Variants in ZNF334 observed in about 807,000 individuals in gnomAD.
ZNF334 encodes zinc finger protein 334.
In ZNF334, 14 loss-of-function variants were observed where a neutral mutation model predicts 12.4. That is an observed-to-expected ratio of 1.13 (90% confidence interval 0.74 to 1.76). The LOEUF (loss-of-function observed/expected upper bound fraction) is 1.76. Among genes scored for constraint, ZNF334 ranks in the 40% most tolerant of loss-of-function variants. The pLI, the probability that ZNF334 is intolerant of heterozygous loss-of-function variation, is 0.00. For missense variants in ZNF334, 797 were observed against 804.5 expected (o/e 0.99, Z 0.11); for synonymous variants, 273 against 269.6 (o/e 1.01, Z -0.12).
chr20:46,488,417 T>TATATATATATATATA, the ZNF334 span, among the ~76,000 whole-genome samples: 11 of 98,016 alleles, frequency 1.1e-4, no homozygotes, highest in African/African-American at 5.3e-4. Flanking sequence ...GTAGCTCTTA[T>TATATATATATATATA]TTTATATATA....
At chr20:46,481,556 T>C in the ZNF334 span, among the ~76,000 whole-genome samples, 1 of 152,070 alleles carries the variant, frequency 6.6e-6, no homozygotes, top group East Asian at 1.9e-4. Flanking sequence ...GGATAGTGAG[T>C]TCAGTTTGAA....
Position 46,501,056 on chromosome 20 carries a change from A to AG in ZNF334, c.*239_*240insC, listed in dbSNP as rs2061140143. 1.9e-5 allele frequency: 9 copies of AG among 463,078 alleles called. No homozygotes were observed. The highest frequency in any genetic ancestry group is 3.8e-5 in the Admixed American group (1 of 26,092). The allele number at this position is 463,078 out of a possible 1,614,324, so 28.7% of individuals were successfully genotyped here. On this transcript the variant is annotated 3_prime_UTR_variant, in exon 5 of 5. Coordinates refer to ENST00000692313, the MANE Select transcript of ZNF334 (RefSeq NM_001353824.2). ...ATTTTAAAAGGGAGGCACATTTGGC[A>AG]TAACCTTTGAATTGCTGTTGAATAT... is the stretch of plus-strand genomic sequence containing the variant.
At chr20:46,466,412 G>A in the ZNF334 span, among the ~76,000 whole-genome samples, 1 of 152,070 alleles carries the variant, frequency 6.6e-6, no homozygotes, top group Non-Finnish European at 1.5e-5. Context: ...AAAGGGAAAT[G>A]CAAATGAAGA....
the ZNF334 span, among the ~76,000 whole-genome samples, chr20:46,479,873 G>C: frequency 1.3e-5 from 2 of 152,120 alleles, no homozygotes. Flanking sequence ...CTTAACCAAA[G>C]CATTTCTTTC....
rs770515238 is a variant in ZNF334, at chr20:46,502,506, G to A, written c.833C>T (p.Thr278Ile). 1.9e-6 allele frequency: 3 copies of A among 1,613,262 alleles called. No individual in the cohort carries two copies. Among genetic ancestry groups the A allele is most frequent in the Middle Eastern group, 1.6e-4 (1 of 6,080 alleles). The change falls in exon 5 of 5, where the codon ACA (threonine) becomes ATA (isoleucine). Residue 278 changes from threonine (T) to isoleucine (I), a missense_variant. By Grantham distance (89) the Thr-to-Ile change is moderately conservative. Transcript: ENST00000692313. ...SDCRKTFRVK[T>I]SLTRHRRIHT... is the part of the protein sequence containing the mutation. ...AATTCTTCGGTGTCGAGTGAGGCTT[G>A]TCTTCACACGAAAAGTTTTCCTACA...
In ZNF334 at chr20:46,512,612, G is replaced by T. The variant is rs1369172485; in HGVS notation, c.-111C>A. 1 of 152,434 alleles carries T rather than the reference G, an allele frequency of 6.6e-6. No homozygotes were observed. The highest frequency in any genetic ancestry group is 6.5e-5 in the Admixed American group (1 of 15,314). The allele number at this position is 152,434 out of a possible 1,614,324, so 9.4% of individuals were successfully genotyped here. ...AGAGAATGAATGAAAGTGCTTTAAG[G>T]TGTTTGTCTTTTTGACAGTTTGGTT... On this transcript the variant is annotated 5_prime_UTR_variant, in exon 1 of 5. Transcript: ENST00000692313.
chr20:46,501,813 C>A lies in ZNF334; in HGVS notation c.1526G>T (p.Arg509Ile). Residue 509 changes from arginine (R) to isoleucine (I), a missense_variant, in exon 5 of 5, where the codon AGA becomes ATA. Arg to Ile is a moderately conservative substitution (Grantham distance 97). Coordinates refer to ENST00000692313, the MANE Select transcript of ZNF334 (RefSeq NM_001353824.2). ...IVKSNCSQCK[R>I]MNTKENLYEC... ...ATAAAGATTCTCCTTTGTGTTCATT[C>A]TCTTACACTGACTGCAGTTTGACTT... is the stretch of plus-strand genomic sequence containing the variant. 1 of 1,614,028 alleles carries A rather than the reference C, an allele frequency of 6.2e-7. No individual in the cohort carries two copies. The highest frequency in any genetic ancestry group is 8.5e-7 in the Non-Finnish European group (1 of 1,180,000).
the ZNF334 span, chr20:46,464,078 C>T: frequency 1.6e-6 from 1 of 620,470 alleles, no homozygotes; most frequent in Non-Finnish European, 3.1e-6. Context: ...TCAATGAGCT[C>T]CGAGAAGTGG....
chr20:46,487,555 G>A, the ZNF334 span, among the ~76,000 whole-genome samples: 2 of 152,152 alleles, frequency 1.3e-5, no homozygotes, highest in East Asian at 1.9e-4. Context: ...TTCTTGGAGT[G>A]TATTCTTTCA....
At chr20:46,509,125 C>T (rs181363325) in intron 2 of ZNF334, among the ~76,000 whole-genome samples, 1 of 152,250 alleles carries the variant, frequency 6.6e-6, no homozygotes, top group African/African-American at 2.4e-5. Context: ...TCTTCTTTTA[C>T]TATAGTTTTA....
At chr20:46,494,264 C>G in the ZNF334 span, among the ~76,000 whole-genome samples, 1 of 152,156 alleles carries the variant, frequency 6.6e-6, no homozygotes, top group African/African-American at 2.4e-5. Flanking sequence ...GTGGGATGGG[C>G]ATAGTTAGGA....
rs567510258 is a variant in ZNF334, at chr20:46,501,076, G to C, written c.*220C>G. The stretch of plus-strand genomic sequence containing the variant: ...TTGGCATAACCTTTGAATTGCTGTT[G>C]AATATTTTCATAGTTCACAATGAAT... On this transcript the variant is annotated 3_prime_UTR_variant, in exon 5 of 5. Coordinates refer to ENST00000692313, the MANE Select transcript of ZNF334 (RefSeq NM_001353824.2). The C allele has an allele frequency of 1.9e-6, 1 of 517,594 alleles. No homozygotes were observed. Among genetic ancestry groups the C allele is most frequent in the African/African-American group, 1.9e-5 (1 of 52,668 alleles). The allele number at this position is 517,594 out of a possible 1,614,324, so 32.1% of individuals were successfully genotyped here. A position where few individuals can be genotyped will look rare whatever the true frequency, so the allele number is the denominator to read the frequency against.
chr20:46,499,398 T>C (rs995707041), downstream of ZNF334, among the ~76,000 whole-genome samples: 7 of 151,992 alleles, frequency 4.6e-5, no homozygotes, highest in Non-Finnish European at 7.4e-5. Flanking sequence ...CCCTAGGAGA[T>C]GAATACACCC....
the ZNF334 span, among the ~76,000 whole-genome samples, chr20:46,482,550 T>C: frequency 2.6e-5 from 4 of 152,234 alleles, no homozygotes; most frequent in Non-Finnish European, 4.4e-5. Context: ...ATGTATGATC[T>C]TTTTAACAAT....
the ZNF334 span, among the ~76,000 whole-genome samples, chr20:46,471,483 T>A: frequency 6.6e-6 from 1 of 152,202 alleles, no homozygotes; most frequent in Non-Finnish European, 1.5e-5. Context: ...TTATCAATCT[T>A]TTCCTTTCTG....
chr20:46,502,505 T>G lies in ZNF334; in HGVS notation c.834A>C (p.Thr278=). ...GAATTCTTCGGTGTCGAGTGAGGCTTGTCTTCACACGAAAAGTTTTCCTAC... is the reference window on the plus strand; with the variant it reads ...GAATTCTTCGGTGTCGAGTGAGGCTGGTCTTCACACGAAAAGTTTTCCTAC... ...SDCRKTFRVK[T]SLTRHRRIHT... Residue 278 remains threonine (T), a synonymous_variant, in exon 5 of 5, where the codon ACA becomes ACC. Coordinates refer to ENST00000692313, the MANE Select transcript of ZNF334 (RefSeq NM_001353824.2). The G allele has an allele frequency of 6.2e-7, 1 of 1,613,438 alleles. No individual in the cohort carries two copies. Among genetic ancestry groups the G allele is most frequent in the South Asian group, 1.1e-5 (1 of 91,028 alleles).
At chr20:46,504,407 C>A in intron 3 of ZNF334, 101 bp from the exon 4 acceptor site, 1 of 1,200,198 alleles carries the variant, frequency 8.3e-7, no homozygotes, top group Non-Finnish European at 1.2e-6. Flanking sequence ...AATGAAGATG[C>A]CCAGCAATAG....
Position 46,500,465 on chromosome 20 carries a change from C to G in ZNF334, c.*831G>C, listed in dbSNP as rs1271032357. Reference sequence around the variant, plus strand: ...AATCCAAGAGATTTTTGAAAACATACTAATTGACATAAACCACTGGTAGAT... The same window carrying G: ...AATCCAAGAGATTTTTGAAAACATAGTAATTGACATAAACCACTGGTAGAT... On this transcript the variant is annotated 3_prime_UTR_variant, in exon 5 of 5. Coordinates refer to ENST00000692313, the MANE Select transcript of ZNF334 (RefSeq NM_001353824.2). 1 of 152,188 alleles carries G rather than the reference C, an allele frequency of 6.6e-6. No individual in the cohort carries two copies. Among genetic ancestry groups the G allele is most frequent in the Non-Finnish European group, 1.5e-5 (1 of 68,030 alleles). The allele number at this position is 152,188 out of a possible 1,614,324, so 9.4% of individuals were successfully genotyped here.
rs1459267436 is a variant in ZNF334, at chr20:46,501,234, G to A, written c.*62C>T. 4.7e-5 allele frequency: 73 copies of A among 1,556,938 alleles called. 1 individual carries two copies. In the South Asian group the frequency reaches 8.7e-4, roughly 19 times the overall value. The stretch of plus-strand genomic sequence containing the variant: ...TTTTACTCCTCTATACATACTCACA[G>A]TTTAGCATTGTGTAAGTTATTTGAT... On this transcript the variant is annotated 3_prime_UTR_variant, in exon 5 of 5. Coordinates refer to ENST00000692313, the MANE Select transcript of ZNF334 (RefSeq NM_001353824.2).
Sources: allele counts gnomAD v4.1 joint callset (sites outside exome capture counted in the v4.1 genomes callset), GRCh38; gene constraint gnomAD v4.1.1; transcripts MANE v1.5; gene names NCBI Gene and HGNC (gene_info 2026-07-23, HGNC 2026-07-21).